The following CNTN4 variants were observed in gnomAD, a reference collection of about 807,000 sequenced individuals.
CNTN4 encodes contactin-4.
CNTN4 carries 77 observed loss-of-function variants against 122.5 expected under a neutral mutation model. That is an observed-to-expected ratio of 0.63 (90% CI 0.52 to 0.76). The LOEUF (loss-of-function observed/expected upper bound fraction) is 0.76, where lower values mean the gene tolerates loss of function less well. CNTN4 is among the 30% of genes least tolerant of loss of function. The pLI, the probability that CNTN4 is intolerant of heterozygous loss-of-function variation, is 0.00. For missense variants in CNTN4, 1,256 were observed against 1,259.1 expected (o/e 1.00, Z 0.04); for synonymous variants, 512 against 447.0 (o/e 1.15, Z -1.83).
intron 13 of CNTN4, among the ~76,000 whole-genome samples, chr3:2,939,376 T>TG (rs913062220): frequency 4.6e-5 from 7 of 152,062 alleles, no homozygotes; most frequent in East Asian, 1.9e-4. Context: ...TGGGTGTGTG[T>TG]GGGGGGGTAT....
intron 6 of CNTN4, among the ~76,000 whole-genome samples, chr3:2,801,915 T>C (rs1467392017): frequency 1.3e-5 from 2 of 152,216 alleles, no homozygotes; most frequent in African/African-American, 4.8e-5. Context: ...ACTGAGATGT[T>C]TTCTTAATCA....
At chr3:2,785,133 A>C (rs935970561) in intron 6 of CNTN4, among the ~76,000 whole-genome samples, 1 of 119,872 alleles carries the variant, frequency 8.3e-6, no homozygotes, top group South Asian at 3.2e-4. Flanking sequence ...ACACACACAC[A>C]CACACATATA....
intron 3 of CNTN4, among the ~76,000 whole-genome samples, chr3:2,441,911 A>T (rs2048456486): frequency 1.3e-5 from 2 of 152,186 alleles, no homozygotes; most frequent in South Asian, 4.1e-4. Context: ...TCATTGAAAA[A>T]ATGCTGTATT....
Position 2,935,144 on chromosome 3 carries a change from G to A in CNTN4, c.1358+9365G>A, listed in dbSNP as rs949546437. Among the ~76,000 whole-genome samples the A allele has an allele frequency of 3.9e-5, 6 of 152,168 alleles. No homozygotes were observed. In the East Asian group the frequency reaches 5.8e-4, roughly 15 times the overall value. ...TTTCTATGTGGGTATAGTATGGCATGTTATTTTATGGCCAGGGTTAAAATG... is the reference window on the plus strand; with the variant it reads ...TTTCTATGTGGGTATAGTATGGCATATTATTTTATGGCCAGGGTTAAAATG... On this transcript the variant is annotated intron_variant, in intron 13 of 24. Coordinates refer to ENST00000418658, the MANE Select transcript of CNTN4 (RefSeq NM_175607.3).
chr3:2,511,706 C>T (rs1344976267), intron 3 of CNTN4: 1 of 152,140 alleles, frequency 6.6e-6, no homozygotes, highest in East Asian at 1.9e-4. Context: ...CTGTAAGTAC[C>T]AGGTTTTACC....
chr3:2,117,101 C>G (rs1416152438), intron 2 of CNTN4, among the ~76,000 whole-genome samples: 1 of 152,160 alleles, frequency 6.6e-6, no homozygotes, highest in African/African-American at 2.4e-5. Context: ...GGCTCAGTCC[C>G]ACAAGACTGT....
intron 2 of CNTN4, among the ~76,000 whole-genome samples, chr3:2,272,421 C>T (rs2041334330): frequency 6.6e-6 from 1 of 151,938 alleles, no homozygotes; most frequent in African/African-American, 2.4e-5. Flanking sequence ...ATATGTTGAC[C>T]CTCATCATTG....
chr3:2,323,025 C>T (rs1311020156), intron 2 of CNTN4, among the ~76,000 whole-genome samples: 1 of 152,078 alleles, frequency 6.6e-6, no homozygotes, highest in Non-Finnish European at 1.5e-5. Flanking sequence ...CCCAAAATTG[C>T]CATCTCAGCT....
At chr3:2,754,114 C>A (rs1042258959) in intron 6 of CNTN4, among the ~76,000 whole-genome samples, 3 of 152,138 alleles carry the variant, frequency 2.0e-5, no homozygotes, top group Non-Finnish European at 2.9e-5. Flanking sequence ...TATCATTTCT[C>A]CCCTACATGT....
chr3:2,361,297 C>A (rs1441432811), intron 3 of CNTN4, among the ~76,000 whole-genome samples: 1 of 152,220 alleles, frequency 6.6e-6, no homozygotes, highest in Non-Finnish European at 1.5e-5. Flanking sequence ...TAACTCAGTG[C>A]TTTTCAACCA....
At chr3:2,896,854 T>A (rs1337048770) in intron 10 of CNTN4, among the ~76,000 whole-genome samples, 1 of 151,992 alleles carries the variant, frequency 6.6e-6, no homozygotes, top group Non-Finnish European at 1.5e-5. Flanking sequence ...AGATGATTCA[T>A]CTTCTCCAAA....
intron 2 of CNTN4, among the ~76,000 whole-genome samples, chr3:2,209,539 T>C (rs1044740179): frequency 6.6e-6 from 1 of 152,070 alleles, no homozygotes; most frequent in African/African-American, 2.4e-5. Context: ...AAGGTCCCTG[T>C]TTTTTAAGCA....
chr3:2,523,604 G>A (rs1188071296), intron 3 of CNTN4, among the ~76,000 whole-genome samples: 2 of 151,930 alleles, frequency 1.3e-5, no homozygotes, highest in Admixed American at 1.3e-4. Context: ...CCTTGGCTTT[G>A]AACTTGAAAA....
chr3:2,493,715 G>A (rs866651102), intron 3 of CNTN4, among the ~76,000 whole-genome samples: 29 of 152,092 alleles, frequency 1.9e-4, no homozygotes, highest in African/African-American at 5.5e-4. Context: ...TACTGTAATT[G>A]CTAACACATT....
intron 2 of CNTN4, among the ~76,000 whole-genome samples, chr3:2,170,399 A>G (rs1489742928): frequency 6.6e-6 from 1 of 152,174 alleles, no homozygotes; most frequent in Non-Finnish European, 1.5e-5. Context: ...ATTAGAAGTA[A>G]ACTTAGGAAA....
intron 3 of CNTN4, among the ~76,000 whole-genome samples, chr3:2,371,987 T>C (rs907951041): frequency 6.6e-6 from 1 of 152,236 alleles, no homozygotes; most frequent in Non-Finnish European, 1.5e-5. Flanking sequence ...CTGATTACTT[T>C]GTGCTGTTTG....
chr3:2,394,955 T>A (rs2046587883), intron 3 of CNTN4, among the ~76,000 whole-genome samples: 1 of 151,986 alleles, frequency 6.6e-6, no homozygotes, highest in Non-Finnish European at 1.5e-5. Context: ...CCCAGCTAAC[T>A]TTTGTATTTT....
intron 3 of CNTN4, among the ~76,000 whole-genome samples, chr3:2,560,655 C>G (rs958912738): frequency 6.6e-6 from 1 of 152,190 alleles, no homozygotes; most frequent in African/African-American, 2.4e-5. Flanking sequence ...AAGTCCAAGA[C>G]TTGAACTTAA....
At chr3:2,472,350 C>T (rs1339571665) in intron 3 of CNTN4, among the ~76,000 whole-genome samples, 1 of 152,086 alleles carries the variant, frequency 6.6e-6, no homozygotes, top group African/African-American at 2.4e-5. Context: ...AAGCGATTGT[C>T]CTCCTTCAGC....
Sources: allele counts gnomAD v4.1 joint callset (sites outside exome capture counted in the v4.1 genomes callset), GRCh38; gene constraint gnomAD v4.1.1; transcripts MANE v1.5; gene names NCBI Gene and HGNC (gene_info 2026-07-23, HGNC 2026-07-21).